The following APOLD1 variants were observed in gnomAD, a reference collection of about 807,000 sequenced individuals.
APOLD1 encodes apolipoprotein L domain-containing protein 1.
In APOLD1, 22 loss-of-function variants were observed where a neutral mutation model predicts 15.3. The observed-to-expected ratio is 1.44, with a 90% CI of 1.03 to 2.05. The LOEUF (loss-of-function observed/expected upper bound fraction) is 2.05, where lower values mean the gene tolerates loss of function less well. Ranked by LOEUF, APOLD1 falls within the 30% of genes most tolerant of loss-of-function variation. APOLD1 has a pLI of 0.00. For synonymous variants in APOLD1, 190 were observed against 167.4 expected, an observed-to-expected ratio of 1.13 and a Z score of -1.04; for missense variants, 394 against 353.5, an observed-to-expected ratio of 1.11 and a Z score of -0.92.
intron 1 of APOLD1, among the ~76,000 whole-genome samples, chr12:12,738,529 T>C (rs916150939): frequency 2.0e-5 from 3 of 152,222 alleles, no homozygotes; most frequent in Admixed American, 1.3e-4. Context: ...TTTACATATC[T>C]ACTATCTTAA....
intron 1 of APOLD1, among the ~76,000 whole-genome samples, chr12:12,754,284 A>ACTCAGCCTCCCAAAGTGGTGGGATTGT (rs1164375797): frequency 3.6e-4 from 55 of 151,932 alleles, no homozygotes; most frequent in African/African-American, 1.1e-3. Context: ...AGAGACAGTA[A>ACTCAGCCTCCCAAAGTGGTGGGATTGT]CTCAGCCTCC....
chr12:12,789,562 T>A lies in APOLD1; in HGVS notation c.*1910T>A, dbSNP rs1947165319. The A allele has an allele frequency of 6.6e-6, 1 of 152,260 alleles. No homozygotes were observed. Among genetic ancestry groups the A allele is most frequent in the Non-Finnish European group, 1.5e-5 (1 of 68,048 alleles). The allele number at this position is 152,260 out of a possible 1,614,324, so 9.4% of individuals were successfully genotyped here. ...GCACTTAGAACTTGCAAGCCTGATG[T>A]CCTATCAAGTTATGTCTTCTGGGTG... On this transcript the variant is annotated 3_prime_UTR_variant, in exon 2 of 2. Coordinates refer to ENST00000356591, the MANE Select transcript of APOLD1 (RefSeq NM_030817.3).
chr12:12,786,217 A>T (rs940188475), intron 1 of APOLD1, among the ~76,000 whole-genome samples: 1 of 152,212 alleles, frequency 6.6e-6, no homozygotes, highest in Non-Finnish European at 1.5e-5. Flanking sequence ...AATGTGACTT[A>T]GTTTAAATCA....
intron 1 of APOLD1, among the ~76,000 whole-genome samples, chr12:12,739,837 G>GAC (rs1415716729): frequency 1.1e-3 from 148 of 129,364 alleles, no homozygotes; most frequent in African/African-American, 3.7e-3. Flanking sequence ...TTTTTTTTGA[G>GAC]ACAGAGTCTC....
chr12:12,747,145 T>A (rs1946772566), intron 1 of APOLD1, among the ~76,000 whole-genome samples: 1 of 152,188 alleles, frequency 6.6e-6, no homozygotes, highest in Non-Finnish European at 1.5e-5. Flanking sequence ...ACAGTCTCGC[T>A]TTGTCACCCA....
intron 1 of APOLD1, chr12:12,726,293 C>T: frequency 1.5e-6 from 1 of 680,642 alleles, no homozygotes; most frequent in Non-Finnish European, 2.6e-6. Context: ...TCTTTGATTT[C>T]CAGAGCGTTT....
At chr12:12,770,275 C>A (rs1373925890) in intron 1 of APOLD1, among the ~76,000 whole-genome samples, 1 of 152,108 alleles carries the variant, frequency 6.6e-6, no homozygotes, top group African/African-American at 2.4e-5. Flanking sequence ...CATGGTGGCA[C>A]ATGCCTGTAA....
intron 1 of APOLD1, among the ~76,000 whole-genome samples, chr12:12,746,905 G>A (rs556312861): frequency 6.6e-6 from 1 of 152,136 alleles, no homozygotes; most frequent in South Asian, 2.1e-4. Flanking sequence ...TTGGTTTTCT[G>A]TTCCTGCGTT....
chr12:12,789,497 A>G lies in APOLD1; in HGVS notation c.*1845A>G, dbSNP rs1236641915. ...CTTGACCTGGAAAAGGAATCTATTT[A>G]GTTCAGGAAAGATAAAAAGTTTAGA... On this transcript the variant is annotated 3_prime_UTR_variant, in exon 2 of 2. Transcript: ENST00000356591. The G allele has an allele frequency of 6.6e-6, 1 of 152,236 alleles. No individual in the cohort carries two copies. The highest frequency in any genetic ancestry group is 6.5e-5 in the Admixed American group (1 of 15,286). The allele number at this position is 152,236 out of a possible 1,614,324, so 9.4% of individuals were successfully genotyped here.
chr12:12,762,235 T>C (rs77712337), intron 1 of APOLD1, among the ~76,000 whole-genome samples: 2 of 152,106 alleles, frequency 1.3e-5, no homozygotes, highest in East Asian at 3.9e-4. Context: ...TTTGGAACCA[T>C]GGAGGCAGGG....
intron 1 of APOLD1, among the ~76,000 whole-genome samples, chr12:12,737,220 G>C (rs1291518408): frequency 9.8e-5 from 1 of 10,166 alleles, no homozygotes; most frequent in Non-Finnish European, 3.2e-4. Flanking sequence ...AAACAACCCA[G>C]AGGTTTTTTT....
rs1230335712 is a variant in APOLD1 at position 12,791,362 on chromosome 12, A to T, written c.*3710A>T. ...ACTGAGATAAAGACATCGTGCAGAG[A>T]TAAATGGGGATACAGTTAAATGTAG... On this transcript the variant is annotated 3_prime_UTR_variant, in exon 2 of 2. Transcript: ENST00000356591. 1 of 152,228 alleles carries T rather than the reference A, an allele frequency of 6.6e-6. No individual in the cohort carries two copies. The highest frequency in any genetic ancestry group is 6.5e-5 in the Admixed American group (1 of 15,278). The allele number at this position is 152,228 out of a possible 1,614,324, so 9.4% of individuals were successfully genotyped here.
chr12:12,764,415 A>T (rs982960042), intron 1 of APOLD1, among the ~76,000 whole-genome samples: 18 of 152,256 alleles, frequency 1.2e-4, no homozygotes, highest in Admixed American at 8.5e-4. Context: ...AAAGTTGCAT[A>T]GCAATATATA....
At chr12:12,731,308 T>C (rs538788464) in intron 1 of APOLD1, among the ~76,000 whole-genome samples, 4 of 152,366 alleles carry the variant, frequency 2.6e-5, no homozygotes, top group African/African-American at 9.6e-5. Context: ...ATATTTTAAA[T>C]TGGCATTTAA....
At chr12:12,782,836 T>C (rs1029302804), upstream of APOLD1, among the ~76,000 whole-genome samples, 1 of 152,196 alleles carries the variant, frequency 6.6e-6, no homozygotes, top group African/African-American at 2.4e-5. Flanking sequence ...TTGTGGAAAC[T>C]GACCACACAG....
chr12:12,765,703 T>C (rs1946938838), intron 1 of APOLD1, among the ~76,000 whole-genome samples: 1 of 152,122 alleles, frequency 6.6e-6, no homozygotes, highest in South Asian at 2.1e-4. Flanking sequence ...AAACCCCATC[T>C]CTACAAAAAA....
At chr12:12,786,888 C>A in intron 1 of APOLD1, 21 bp from the exon 2 acceptor site, 1 of 1,409,738 alleles carries the variant, frequency 7.1e-7, no homozygotes, top group South Asian at 1.6e-5. Flanking sequence ...CCAGGCTGAC[C>A]GCGTGTCTAT....
At chr12:12,755,790 G>A (rs1026661371) in intron 1 of APOLD1, among the ~76,000 whole-genome samples, 8 of 152,174 alleles carry the variant, frequency 5.3e-5, no homozygotes, top group Admixed American at 1.3e-4. Flanking sequence ...GCAGTGAGCC[G>A]AAATTGCGCC....
intron 1 of APOLD1, among the ~76,000 whole-genome samples, chr12:12,730,077 TGAGA>T (rs146075502): frequency 1.3e-3 from 110 of 81,598 alleles, no homozygotes; most frequent in Non-Finnish European, 1.5e-3. Context: ...TGTGTGTGTG[TGAGA>T]GAGAGAGAGA....
Sources: allele counts gnomAD v4.1 joint callset (sites outside exome capture counted in the v4.1 genomes callset), GRCh38; gene constraint gnomAD v4.1.1; transcripts MANE v1.5; gene names NCBI Gene and HGNC (gene_info 2026-07-23, HGNC 2026-07-21).